STXBP5L: variants seen among roughly 807,000 people sequenced by gnomAD.
STXBP5L encodes syntaxin-binding protein 5-like.
Under a neutral mutation model 144.5 loss-of-function variants are expected in STXBP5L, and 65 were observed. The ratio of observed to expected loss-of-function variants is 0.45; its 90% CI spans 0.37 to 0.55. The LOEUF is 0.55. Among genes scored for constraint, STXBP5L ranks in the 20% least tolerant of loss-of-function variants. STXBP5L has a pLI of 0.00. For synonymous variants in STXBP5L, 505 were observed against 469.6 expected (o/e 1.08, Z -0.97); for missense variants, 1,298 against 1,405.5 (o/e 0.92, Z 1.22).
At chr3:121,201,028 T>C (rs2048117043) in intron 9 of STXBP5L, among the ~76,000 whole-genome samples, 1 of 152,202 alleles carries the variant, frequency 6.6e-6, no homozygotes, top group South Asian at 2.1e-4. Context: ...GTTCAAGTCC[T>C]GAATATCCTT....
At chr3:120,936,734 CA>C (rs1442915975) in intron 2 of STXBP5L, among the ~76,000 whole-genome samples, 1 of 152,082 alleles carries the variant, frequency 6.6e-6, no homozygotes, top group African/African-American at 2.4e-5. Flanking sequence ...CTCAGCCTCC[CA>C]AGTAGCTGGG....
chr3:121,345,356 G>T (rs1343472745), intron 20 of STXBP5L, among the ~76,000 whole-genome samples: 1 of 152,076 alleles, frequency 6.6e-6, no homozygotes, highest in Non-Finnish European at 1.5e-5. Context: ...TTTTATGACT[G>T]CATAGTATTC....
rs1004423567 is a variant in STXBP5L at position 121,028,739 on chromosome 3, C to T, written c.288-12961C>T. Among the ~76,000 whole-genome samples, 18 of 152,102 alleles carry T rather than the reference C, an allele frequency of 1.2e-4. 1 individual carries two copies. The highest frequency in any genetic ancestry group is 7.9e-4 in the Admixed American group (12 of 15,244). On this transcript the variant is annotated intron_variant, in intron 3 of 26. Coordinates refer to ENST00000471454, the MANE Select transcript of STXBP5L (RefSeq NM_001308330.2). Reference sequence around the variant, plus strand: ...CAATAATTTAAATTTAAATAGTAATCAGTGCAGTGGCTATATCCTCACTTC... The same window carrying T: ...CAATAATTTAAATTTAAATAGTAATTAGTGCAGTGGCTATATCCTCACTTC...
chr3:121,076,812 C>G (rs1325262868), intron 5 of STXBP5L, among the ~76,000 whole-genome samples: 2 of 152,106 alleles, frequency 1.3e-5, no homozygotes, highest in Non-Finnish European at 2.9e-5. Context: ...GCTTTTCCTC[C>G]CATTTCCTCC....
chr3:121,081,399 C>T (rs575534852), intron 5 of STXBP5L, among the ~76,000 whole-genome samples: 1 of 152,112 alleles, frequency 6.6e-6, no homozygotes, highest in Admixed American at 6.5e-5. Context: ...AAGGATCAAA[C>T]TTTAATGTTT....
Position 121,373,336 on chromosome 3 carries a change from C to T in STXBP5L, c.2177-5380C>T, listed in dbSNP as rs578214448. On this transcript the variant is annotated intron_variant, in intron 20 of 26. Transcript: ENST00000471454. ...CCTAGCTATAAGAAAGCCCTTTGGCCCTCTTGGGCCCTGAGCCTAGTATAA... is the reference window on the plus strand; with the variant it reads ...CCTAGCTATAAGAAAGCCCTTTGGCTCTCTTGGGCCCTGAGCCTAGTATAA... 3.3e-5 allele frequency among the ~76,000 whole-genome samples: 5 copies of T among 152,316 alleles called. No homozygotes were observed. In the South Asian group the frequency reaches 6.2e-4, roughly 19 times the overall value.
chr3:120,960,838 A>G (rs929742102), intron 3 of STXBP5L, among the ~76,000 whole-genome samples: 1 of 151,022 alleles, frequency 6.6e-6, no homozygotes, highest in Non-Finnish European at 1.5e-5. Flanking sequence ...GCAGCACACC[A>G]GCATGGCACA....
Position 121,407,363 on chromosome 3 carries a change from A to T in STXBP5L, c.2708A>T (p.Lys903Ile), listed in dbSNP as rs774888648. 1.2e-6 allele frequency: 2 copies of T among 1,612,996 alleles called. No homozygotes were observed. The highest frequency in any genetic ancestry group is 2.2e-5 in the South Asian group (2 of 91,058). The change falls in exon 23 of 27, where the codon AAA becomes ATA. Residue 903 changes from lysine (K) to isoleucine (I), a missense_variant. Transcript: ENST00000471454. Reference sequence around the variant, plus strand: ...CCAAACAACATAGATGAAAATGAAAAATCTTGGAGAAGGAAAGTGGTAATG... The same window carrying T: ...CCAAACAACATAGATGAAAATGAAATATCTTGGAGAAGGAAAGTGGTAATG... ...RDPNNIDENEKSWRRKVVMNS... is the reference protein window; with the variant it reads ...RDPNNIDENEISWRRKVVMNS...
intron 2 of STXBP5L, among the ~76,000 whole-genome samples, chr3:120,923,247 G>A (rs1171088536): frequency 1.3e-5 from 2 of 151,140 alleles, no homozygotes; most frequent in Non-Finnish European, 3.0e-5. Flanking sequence ...TTTTTTCTTA[G>A]TCTAGCTAAA....
intron 5 of STXBP5L, among the ~76,000 whole-genome samples, chr3:121,106,311 A>G (rs1454056762): frequency 6.6e-6 from 1 of 152,148 alleles, no homozygotes; most frequent in East Asian, 1.9e-4. Flanking sequence ...ACATATGTAA[A>G]CATGTGTCAT....
intron 19 of STXBP5L, among the ~76,000 whole-genome samples, chr3:121,291,214 AAATC>A (rs1264878285): frequency 1.3e-5 from 2 of 152,192 alleles, no homozygotes; most frequent in Non-Finnish European, 1.5e-5. Context: ...TCAGGATACA[AAATC>A]AATGTACACA....
At chr3:121,346,467 A>C (rs917011504) in intron 20 of STXBP5L, among the ~76,000 whole-genome samples, 2 of 152,166 alleles carry the variant, frequency 1.3e-5, no homozygotes, top group East Asian at 1.9e-4. Flanking sequence ...GTATATACCC[A>C]GTAATGGGAT....
rs187846556 is a variant in STXBP5L at position 121,172,265 on chromosome 3, T to A, written c.877+14638T>A. On this transcript the variant is annotated intron_variant, in intron 9 of 26. Transcript: ENST00000471454. ...AAAATCTAGGCAGTACCATTCAGGA[T>A]GTAGGCATGGGCAAAACTTCACGAC... Among the ~76,000 whole-genome samples the A allele has an allele frequency of 1.6e-3, 241 of 152,228 alleles. 1 individual carries two copies. Among genetic ancestry groups the A allele is most frequent in the African/African-American group, 5.3e-3 (219 of 41,552 alleles).
intron 19 of STXBP5L, among the ~76,000 whole-genome samples, chr3:121,291,140 C>T (rs1235395687): frequency 6.6e-6 from 1 of 151,988 alleles, no homozygotes; most frequent in Non-Finnish European, 1.5e-5. Context: ...AGATTGTATG[C>T]CTAGAATACC....
intron 19 of STXBP5L, among the ~76,000 whole-genome samples, chr3:121,301,098 C>G (rs572684777): frequency 6.6e-6 from 1 of 152,188 alleles, no homozygotes; most frequent in South Asian, 2.1e-4. Flanking sequence ...TCATTGGTAG[C>G]CTGATGGGGA....
rs572618843 is a variant in STXBP5L at position 121,061,836 on chromosome 3, TC to T, written c.470+16304del. ...CATTTGCTTGGTAAATGTTCCTCCA[TC>T]CCTTTATTTTGAGCCTATGTGTGTC... On this transcript the variant is annotated intron_variant, in intron 5 of 26. Coordinates refer to ENST00000471454, the MANE Select transcript of STXBP5L (RefSeq NM_001308330.2). 1.6e-4 allele frequency among the ~76,000 whole-genome samples: 24 copies of T among 152,300 alleles called. No individual in the cohort carries two copies. In the East Asian group the frequency reaches 4.4e-3, roughly 28 times the overall value.
chr3:121,019,720 G>A (rs566474916), intron 3 of STXBP5L, among the ~76,000 whole-genome samples: 1 of 152,314 alleles, frequency 6.6e-6, no homozygotes, highest in African/African-American at 2.4e-5. Flanking sequence ...GCAGGAGAAA[G>A]TGGAGAGCAC....
Position 121,254,996 on chromosome 3 carries a change from T to C in STXBP5L, c.1543T>C (p.Phe515Leu). Reference protein sequence around the residue: ...QTCEIVEEDPFAIQMIYWCPE... With the variant: ...QTCEIVEEDPLAIQMIYWCPE... ...ATGTGAAATTGTAGAGGAAGACCCA[T>C]TTGCCATTCAGATGATTTACTGGTG... Residue 515 changes from phenylalanine to leucine, a missense_variant, in exon 16 of 27, where the codon TTT (phenylalanine) becomes CTT (leucine). Transcript: ENST00000471454. 6.2e-7 allele frequency: 1 copy of C among 1,613,590 alleles called. No individual in the cohort carries two copies. The highest frequency in any genetic ancestry group is 1.7e-4 in the Middle Eastern group (1 of 6,058).
chr3:121,210,861 G>C (rs558051976), intron 10 of STXBP5L, among the ~76,000 whole-genome samples: 84 of 152,284 alleles, frequency 5.5e-4, no homozygotes, highest in Middle Eastern at 3.4e-3. Context: ...AAGTCAAGTA[G>C]TGTGATGCCT....
Sources: allele counts gnomAD v4.1 joint callset (sites outside exome capture counted in the v4.1 genomes callset), GRCh38; gene constraint gnomAD v4.1.1; transcripts MANE v1.5; gene names NCBI Gene and HGNC (gene_info 2026-07-23, HGNC 2026-07-21).